STAMBPL1: variants seen among roughly 807,000 people sequenced by gnomAD.
STAMBPL1 encodes AMSH-like protease.
Under a neutral mutation model 52.9 loss-of-function variants are expected in STAMBPL1, and 44 were observed. The observed-to-expected ratio is 0.83, with a 90% CI of 0.65 to 1.07. The LOEUF (loss-of-function observed/expected upper bound fraction) is 1.07. Among genes scored for constraint, STAMBPL1 ranks in the 50% least tolerant of loss-of-function variants. The probability of loss-of-function intolerance (pLI) is 0.00; values close to 1 mark genes in which losing one functional copy is unlikely to be tolerated. For missense variants in STAMBPL1, 511 were observed against 520.8 expected (o/e 0.98, Z 0.18); for synonymous variants, 164 against 177.3 (o/e 0.92, Z 0.60).
chr10:88,901,078 T>C (rs1259732694), intron 1 of STAMBPL1: 1 of 152,236 alleles, frequency 6.6e-6, no homozygotes, highest in Non-Finnish European at 1.5e-5. Flanking sequence ...ACAATATCTC[T>C]TCATCTTTGT....
At chr10:88,887,773 C>T (rs1055462796) in intron 1 of STAMBPL1, among the ~76,000 whole-genome samples, 2 of 152,156 alleles carry the variant, frequency 1.3e-5, no homozygotes, top group East Asian at 3.9e-4. Flanking sequence ...CTTTCCACCT[C>T]AGCCACTCAG....
At chr10:88,903,092 A>C (rs1320336670) in intron 2 of STAMBPL1, among the ~76,000 whole-genome samples, 1 of 152,210 alleles carries the variant, frequency 6.6e-6, no homozygotes, top group Non-Finnish European at 1.5e-5. Flanking sequence ...ACAATAATTA[A>C]AATTTTATTG....
At chr10:88,905,996 A>T (rs1845064169) in intron 3 of STAMBPL1, among the ~76,000 whole-genome samples, 1 of 152,144 alleles carries the variant, frequency 6.6e-6, no homozygotes, top group South Asian at 2.1e-4. Context: ...TGGAAGCTTT[A>T]TGAGAGCAGG....
chr10:88,889,879 C>G (rs1844634616), intron 1 of STAMBPL1, among the ~76,000 whole-genome samples: 1 of 152,188 alleles, frequency 6.6e-6, no homozygotes, highest in Non-Finnish European at 1.5e-5. Flanking sequence ...CCTCCTTAGT[C>G]TCTTTTAATC....
Position 88,913,443 on chromosome 10 carries a change from C to G in STAMBPL1, c.763C>G (p.Leu255Val), listed in dbSNP as rs1172465327. Reference protein sequence around the residue: ...VNRALTPAATLSAVQNLVVEG... With the variant: ...VNRALTPAATVSAVQNLVVEG... ...CAGGGCCTTAACGCCAGCTGCTACT[C>G]TAAGTGCTGTTCAGAGTAAGTGATG... The change falls in exon 6 of 11, where the codon CTA becomes GTA. Residue 255 changes from leucine (L) to valine (V), a missense_variant. By Grantham distance (32) the Leu-to-Val change is conservative. This residue lies in a region of STAMBPL1 where 358 missense variants were observed against 343.5 expected (regional missense o/e 1.04). Coordinates refer to ENST00000371926, the MANE Select transcript of STAMBPL1 (RefSeq NM_020799.4). 1.2e-6 allele frequency: 2 copies of G among 1,611,818 alleles called. No homozygotes were observed. Among genetic ancestry groups the G allele is most frequent in the South Asian group, 1.1e-5 (1 of 90,760 alleles).
At chr10:88,905,346 T>C in intron 2 of STAMBPL1, 97 bp from the exon 3 acceptor site, 1 of 929,632 alleles carries the variant, frequency 1.1e-6, no homozygotes. Context: ...GGTAATGGTG[T>C]TAGGTTCCTC....
chr10:88,892,444 A>T (rs2133136105), intron 1 of STAMBPL1, among the ~76,000 whole-genome samples: 1 of 152,206 alleles, frequency 6.6e-6, no homozygotes, highest in South Asian at 2.1e-4. Flanking sequence ...CCACTCCCAG[A>T]GGGAACATGG....
In STAMBPL1 at chr10:88,916,262, G is replaced by A. The variant is rs138295969; in HGVS notation, c.904-418G>A. On this transcript the variant is annotated intron_variant, in intron 7 of 10. Coordinates refer to ENST00000371926, the MANE Select transcript of STAMBPL1 (RefSeq NM_020799.4). ...TCACAACCCTAAGAAATGCCTTTTG[G>A]TAACACCACAAAATTATTTAACTAG... Among the ~76,000 whole-genome samples, 6 of 151,806 alleles carry A rather than the reference G, an allele frequency of 4.0e-5. No homozygotes were observed. In the East Asian group the frequency reaches 1.2e-3, roughly 30 times the overall value.
At chr10:88,887,012 G>A (rs1439599233) in intron 1 of STAMBPL1, among the ~76,000 whole-genome samples, 1 of 152,130 alleles carries the variant, frequency 6.6e-6, no homozygotes, top group East Asian at 1.9e-4. Flanking sequence ...TCGGTCTTCT[G>A]GTGGGTTGAC....
intron 1 of STAMBPL1, among the ~76,000 whole-genome samples, chr10:88,888,507 A>C (rs1453046468): frequency 6.6e-6 from 1 of 152,236 alleles, no homozygotes; most frequent in African/African-American, 2.4e-5. Flanking sequence ...GGGTTTATGC[A>C]GTAGGGTTCT....
intron 1 of STAMBPL1, among the ~76,000 whole-genome samples, chr10:88,885,407 A>T (rs1810569545): frequency 2.0e-5 from 3 of 152,204 alleles, no homozygotes; most frequent in Admixed American, 2.0e-4. Context: ...TTTATTAAGA[A>T]GTGCTCCAAT....
rs1845383648 is a variant in STAMBPL1, at chr10:88,916,819, T to G, written c.1041+2T>G. On this transcript the variant is annotated splice_donor_variant, in intron 8 of 10. Coordinates refer to ENST00000371926, the MANE Select transcript of STAMBPL1 (RefSeq NM_020799.4). LOFTEE classifies it high-confidence loss of function. ...CTCCTCACTCTAGGATGGATCCATG[T>G]ACGTTTGACCTTTTGGGTTTCAGTT... The G allele has an allele frequency of 6.4e-7, 1 of 1,569,110 alleles. No homozygotes were observed. The highest frequency in any genetic ancestry group is 8.6e-7 in the Non-Finnish European group (1 of 1,157,860).
chr10:88,916,518 G>T (rs191741989), intron 7 of STAMBPL1, among the ~76,000 whole-genome samples, 162 bp from the exon 8 acceptor site: 2 of 145,692 alleles, frequency 1.4e-5, no homozygotes, highest in Admixed American at 1.3e-4. Flanking sequence ...AATTGGAAAG[G>T]GTGGTGTGTC....
At chr10:88,900,431 T>A (rs1312492005) in intron 1 of STAMBPL1, among the ~76,000 whole-genome samples, 2 of 152,196 alleles carry the variant, frequency 1.3e-5, no homozygotes, top group Admixed American at 6.5e-5. Context: ...ATTACTAATA[T>A]TTATTGAATT....
In STAMBPL1 at chr10:88,912,772, T is replaced by A. The variant is rs550411890; in HGVS notation, c.421-329T>A. 8.3e-5 allele frequency: 18 copies of A among 215,652 alleles called. No homozygotes were observed. The South Asian group carries it at 2.0e-3, about 24-fold the overall frequency. The allele number at this position is 215,652 out of a possible 1,614,324, so 13.4% of individuals were successfully genotyped here. The stretch of plus-strand genomic sequence containing the variant: ...TAGAAGTGCAGTAGGGGTGAGATAT[T>A]TTGTTTCATATGGTCTTGTTGGTCT... On this transcript the variant is annotated intron_variant, in intron 5 of 10. Coordinates refer to ENST00000371926, the MANE Select transcript of STAMBPL1 (RefSeq NM_020799.4).
intron 8 of STAMBPL1, among the ~76,000 whole-genome samples, chr10:88,917,053 T>A (rs1461560382): frequency 6.6e-6 from 1 of 152,162 alleles, no homozygotes; most frequent in African/African-American, 2.4e-5. Flanking sequence ...CCTAAACCTG[T>A]CAAATCTGGA....
At chr10:88,903,301 G>GA (rs146402684) in intron 2 of STAMBPL1, among the ~76,000 whole-genome samples, 6 of 151,810 alleles carry the variant, frequency 4.0e-5, no homozygotes, top group Middle Eastern at 3.2e-3. Flanking sequence ...CATTTTCAGG[G>GA]AAAAAAAACT....
chr10:88,914,471 C>A, intron 6 of STAMBPL1, 63 bp from the exon 7 acceptor site: 1 of 1,313,798 alleles, frequency 7.6e-7, no homozygotes. Context: ...TTGCCAATAA[C>A]AATTTTGAAA....
chr10:88,901,441 AC>A (rs1284671585), intron 1 of STAMBPL1: 2 of 341,350 alleles, frequency 5.9e-6, no homozygotes, highest in Non-Finnish European at 1.1e-5. Context: ...TTATTTTCAC[AC>A]CTTCACTTTT....
Sources: allele counts gnomAD v4.1 joint callset (sites outside exome capture counted in the v4.1 genomes callset), GRCh38; gene constraint gnomAD v4.1.1; regional missense constraint gnomAD v4.1.1; transcripts MANE v1.5; gene names NCBI Gene and HGNC (gene_info 2026-07-23, HGNC 2026-07-21).